DMXL1: variants seen among roughly 807,000 people sequenced by gnomAD.
DMXL1 encodes dmX-like protein 1.
Under a neutral mutation model 319.2 loss-of-function variants are expected in DMXL1, and 99 were observed. The observed-to-expected ratio is 0.31, with a 90% CI of 0.26 to 0.37. The LOEUF is 0.37. DMXL1 is among the 10% of genes least tolerant of loss of function. The pLI is 1.00. For synonymous variants in DMXL1, 1,385 were observed against 1,235.2 expected (o/e 1.12, Z -2.54); for missense variants, 3,745 against 3,595.6 (o/e 1.04, Z -1.06).
intron 34 of DMXL1, among the ~76,000 whole-genome samples, chr5:119,209,262 C>A (rs117540653): frequency 3.9e-4 from 60 of 152,032 alleles, no homozygotes; most frequent in African/African-American, 1.4e-3. Context: ...ATATGTTAAA[C>A]GTTTTGTGAA....
intron 19 of DMXL1, among the ~76,000 whole-genome samples, chr5:119,152,413 G>A (rs894438858): frequency 2.0e-5 from 3 of 151,862 alleles, no homozygotes; most frequent in Admixed American, 2.0e-4. Context: ...TAACATTTGT[G>A]TTATAATACA....
chr5:119,234,150 C>G (rs367925891), intron 39 of DMXL1, among the ~76,000 whole-genome samples: 7 of 152,234 alleles, frequency 4.6e-5, no homozygotes, highest in African/African-American at 1.7e-4. Context: ...CTTCACTTCT[C>G]ATAATCCTTT....
chr5:119,153,101 C>A (rs144753521), intron 19 of DMXL1, among the ~76,000 whole-genome samples: 1 of 151,950 alleles, frequency 6.6e-6, no homozygotes, highest in African/African-American at 2.4e-5. Context: ...CTCAGCCTCT[C>A]GAATACCTGG....
intron 19 of DMXL1, among the ~76,000 whole-genome samples, chr5:119,161,737 C>T (rs1054938756): frequency 8.0e-5 from 12 of 150,256 alleles, no homozygotes; most frequent in African/African-American, 2.7e-4. Context: ...CCAGTCTGGG[C>T]GGGGCTTTGG....
intron 38 of DMXL1, among the ~76,000 whole-genome samples, chr5:119,227,551 A>C (rs746718907): frequency 6.6e-6 from 1 of 151,178 alleles, no homozygotes; most frequent in Non-Finnish European, 1.5e-5. Context: ...GATAGTCTTT[A>C]CTCTTCTGTA....
At position 119,244,669 on chromosome 5, in the gene DMXL1, A is replaced by G. The variant is rs539935788; in HGVS notation, c.8922+93A>G. ...TTGATGACATCAATCTATTTAAATAATAGTTATATTAATTCCTTTGTAGTC... is the reference window on the plus strand; with the variant it reads ...TTGATGACATCAATCTATTTAAATAGTAGTTATATTAATTCCTTTGTAGTC... On this transcript the variant is annotated intron_variant, in intron 43 of 43. Coordinates refer to ENST00000539542, the MANE Select transcript of DMXL1 (RefSeq NM_001290321.3). 2.6e-4 allele frequency: 220 copies of G among 839,718 alleles called. 1 individual carries two copies. The African/African-American group carries it at 3.6e-3, about 14-fold the overall frequency. The allele number at this position is 839,718 out of a possible 1,614,324, so 52.0% of individuals were successfully genotyped here.
Position 119,191,363 on chromosome 5 carries a change from T to G in DMXL1, c.7314+1477T>G, listed in dbSNP as rs565658708. On this transcript the variant is annotated intron_variant, in intron 29 of 43. Transcript: ENST00000539542. ...CACAAGTCTCCCAGGCCTGCTGAGC[T>G]ATGGCTTTTATTTTTCTCATATCCT... Among the ~76,000 whole-genome samples, 4 of 152,366 alleles carry G rather than the reference T, an allele frequency of 2.6e-5. No individual in the cohort carries two copies. In the East Asian group the frequency reaches 7.7e-4, roughly 29 times the overall value.
chr5:119,134,169 T>A lies in DMXL1; in HGVS notation c.2245T>A (p.Tyr749Asn). The change falls in exon 12 of 44, where the codon TAT becomes AAT. Residue 749 changes from tyrosine to asparagine, a missense_variant. This residue lies in a region of DMXL1 where 2,096 missense variants were observed against 1,985.4 expected (regional missense o/e 1.06). Transcript: ENST00000539542. ...ATGGCTGCCCACTCTTATACCCAGTTATTGTCTGGGTAAGTATTCTGGTTT... is the reference window on the plus strand; with the variant it reads ...ATGGCTGCCCACTCTTATACCCAGTAATTGTCTGGGTAAGTATTCTGGTTT... Reference protein sequence around the residue: ...VAWLPTLIPSYCLGAYCNSPS... With the variant: ...VAWLPTLIPSNCLGAYCNSPS... 1 of 1,612,766 alleles carries A rather than the reference T, an allele frequency of 6.2e-7. No individual in the cohort carries two copies. Among genetic ancestry groups the A allele is most frequent in the South Asian group, 1.1e-5 (1 of 90,882 alleles).
rs1269109095 is a variant in DMXL1, at chr5:119,233,473, A to T, written c.8466+6A>T. 2 of 1,606,818 alleles carry T rather than the reference A, an allele frequency of 1.2e-6. No homozygotes were observed. Among genetic ancestry groups the T allele is most frequent in the East Asian group, 2.2e-5 (1 of 44,700 alleles). On this transcript the variant is annotated splice_donor_region_variant and intron_variant, in intron 39 of 43. Transcript: ENST00000539542. ...TTAACTATCAGGGAAATAAGGTATT[A>T]TATAAAAATGTAAATGGTAAAAAAT...
chr5:119,192,554 C>G (rs1159189180), intron 29 of DMXL1, among the ~76,000 whole-genome samples: 2 of 152,184 alleles, frequency 1.3e-5, no homozygotes, highest in African/African-American at 4.8e-5. Flanking sequence ...CCCAGTTACA[C>G]CCGTTAAAAC....
chr5:119,214,956 C>A (rs1783421700), intron 34 of DMXL1, among the ~76,000 whole-genome samples: 1 of 152,162 alleles, frequency 6.6e-6, no homozygotes, highest in African/African-American at 2.4e-5. Context: ...TCGCCAATTT[C>A]TTCAAAACCT....
At chr5:119,211,792 T>G (rs1420252279) in intron 34 of DMXL1, among the ~76,000 whole-genome samples, 1 of 152,236 alleles carries the variant, frequency 6.6e-6, no homozygotes, top group East Asian at 1.9e-4. Flanking sequence ...AAATCACTAC[T>G]GACTACCCAG....
At chr5:119,217,353 T>C (rs1211181718) in intron 35 of DMXL1, among the ~76,000 whole-genome samples, 1 of 152,200 alleles carries the variant, frequency 6.6e-6, no homozygotes, top group Non-Finnish European at 1.5e-5. Context: ...TTTAAGCTTA[T>C]ATGTGACTCA....
Position 119,143,875 on chromosome 5 carries a change from A to G in DMXL1, c.2411A>G (p.Gln804Arg). Residue 804 changes from glutamine to arginine, a missense_variant, in exon 14 of 44, where the codon CAA becomes CGA. Transcript: ENST00000539542. ...YVGEVFNIVS[Q>R]QSTARPGCII... ...GGTGAAGTCTTTAACATCGTCAGTC[A>G]ACAATCAACAGCCAGGCCAGGATGC... 1 of 1,587,446 alleles carries G rather than the reference A, an allele frequency of 6.3e-7. No homozygotes were observed. Among genetic ancestry groups the G allele is most frequent in the Non-Finnish European group, 8.6e-7 (1 of 1,167,348 alleles).
intron 28 of DMXL1, among the ~76,000 whole-genome samples, chr5:119,178,865 A>C (rs186845200): frequency 1.3e-5 from 2 of 152,320 alleles, no homozygotes; most frequent in East Asian, 1.9e-4. Context: ...TTAGAAAACT[A>C]TCTCTGCTAT....
At chr5:119,075,860 C>T (rs1750730624) in intron 1 of DMXL1, among the ~76,000 whole-genome samples, 1 of 152,152 alleles carries the variant, frequency 6.6e-6, no homozygotes, top group Non-Finnish European at 1.5e-5. Context: ...CTGCCATGTC[C>T]ACCCTGCAAT....
chr5:119,207,041 C>T (rs967412942), intron 34 of DMXL1, 145 bp downstream of exon 34: 12 of 547,114 alleles, frequency 2.2e-5, no homozygotes, highest in Non-Finnish European at 3.1e-5. Context: ...ATTTTAACAA[C>T]TTAAATACTG....
At chr5:119,104,242 A>G (rs1205097358) in intron 3 of DMXL1, 5 of 152,174 alleles carry the variant, frequency 3.3e-5, no homozygotes, top group African/African-American at 7.2e-5. Flanking sequence ...GATTGTGTCT[A>G]TGCACTTATA....
Position 119,148,957 on chromosome 5 carries a change from G to C in DMXL1, c.3130G>C (p.Gly1044Arg). The change falls in exon 18 of 44, where the codon GGT (glycine) becomes CGT (arginine). Residue 1044 changes from glycine to arginine, a missense_variant. Coordinates refer to ENST00000539542, the MANE Select transcript of DMXL1 (RefSeq NM_001290321.3). ...LQSNSSITVP[G>R]RPVEVSCAHT... ...GAGCAATAGTAGTATAACTGTACCT[G>C]GTAGGCCTGTAGAAGTTAGCTGTGC... The C allele has an allele frequency of 1.2e-6, 2 of 1,613,926 alleles. No homozygotes were observed. The highest frequency in any genetic ancestry group is 1.7e-6 in the Non-Finnish European group (2 of 1,179,848).
Sources: allele counts gnomAD v4.1 joint callset (sites outside exome capture counted in the v4.1 genomes callset), GRCh38; gene constraint gnomAD v4.1.1; regional missense constraint gnomAD v4.1.1; transcripts MANE v1.5; gene names NCBI Gene and HGNC (gene_info 2026-07-23, HGNC 2026-07-21).